LRP5: variants seen among roughly 807,000 people sequenced by gnomAD.
The protein encoded by LRP5 is LDL receptor related protein 5.
Under a neutral mutation model 154.1 loss-of-function variants are expected in LRP5, and 62 were observed. The observed-to-expected ratio is 0.40, with a 90% CI of 0.33 to 0.50. The LOEUF is 0.50. LRP5 is among the 20% of genes least tolerant of loss of function. The probability of loss-of-function intolerance (pLI) is 0.55; values close to 1 mark genes in which losing one functional copy is unlikely to be tolerated. For synonymous variants in LRP5, 966 were observed against 1,011.5 expected, an observed-to-expected ratio of 0.96 and a Z score of 0.85; for missense variants, 1,915 against 2,336.7, an observed-to-expected ratio of 0.82 and a Z score of 3.72.
chr11:68,355,200 C>G (rs1223861893), intron 2 of LRP5, among the ~76,000 whole-genome samples: 2 of 152,160 alleles, frequency 1.3e-5, no homozygotes, highest in Admixed American at 6.5e-5. Context: ...TTTGCCTCTT[C>G]TGCTGAATGG....
chr11:68,431,672 GTCCCCC>G (rs1195340503), intron 17 of LRP5, among the ~76,000 whole-genome samples: 6 of 152,162 alleles, frequency 3.9e-5, no homozygotes. Context: ...TTTTGTGACT[GTCCCCC>G]TCCTGAGCTT....
At chr11:68,327,501 GC>G (rs2098600405) in intron 1 of LRP5, among the ~76,000 whole-genome samples, 1 of 151,950 alleles carries the variant, frequency 6.6e-6, no homozygotes, top group Non-Finnish European at 1.5e-5. Context: ...CCCTTAGGCA[GC>G]ATGAAAACAA....
intron 17 of LRP5, among the ~76,000 whole-genome samples, chr11:68,431,393 C>G (rs1044962142): frequency 6.6e-6 from 1 of 151,996 alleles, no homozygotes; most frequent in East Asian, 1.9e-4. Context: ...GCTCCCACCA[C>G]CACGCCCGGC....
At position 68,426,112 on chromosome 11, in the gene LRP5, C is replaced by T. The variant is rs141178995; in HGVS notation, c.3562C>T (p.Arg1188Trp). ...TGTGGAGAAGACCACCGGGGACAAG[C>T]GGACTCGCATCCAGGGCCGTGTCGC... ...ERVEKTTGDK[R>W]TRIQGRVAHL... The change falls in exon 16 of 23, where the codon CGG (arginine) becomes TGG (tryptophan). Residue 1188 changes from arginine (R) to tryptophan (W), a missense_variant. By Grantham distance (101) the Arg-to-Trp change is moderately radical (BLOSUM62 -3). Transcript: ENST00000294304. The T allele has an allele frequency of 1.5e-5, 24 of 1,613,186 alleles. No homozygotes were observed. Among genetic ancestry groups the T allele is most frequent in the East Asian group, 6.7e-5 (3 of 44,896 alleles).
chr11:68,358,165 G>T (rs1229171605), intron 3 of LRP5, among the ~76,000 whole-genome samples: 4 of 151,796 alleles, frequency 2.6e-5, no homozygotes, highest in Admixed American at 2.6e-4. Context: ...ACCCAGGCTG[G>T]AGTGCAATGT....
At chr11:68,338,138 G>A (rs1470541332) in intron 1 of LRP5, among the ~76,000 whole-genome samples, 1 of 152,182 alleles carries the variant, frequency 6.6e-6, no homozygotes, top group African/African-American at 2.4e-5. Context: ...CTGGACGCAG[G>A]ATCATTCCTG....
intron 15 of LRP5, among the ~76,000 whole-genome samples, chr11:68,425,734 C>T (rs150193559): frequency 5.3e-5 from 8 of 152,172 alleles, no homozygotes; most frequent in African/African-American, 1.2e-4. Context: ...GGCCAGTGAC[C>T]GAGGCCCGCC....
chr11:68,323,238 A>G (rs2098597758), intron 1 of LRP5, among the ~76,000 whole-genome samples: 1 of 152,076 alleles, frequency 6.6e-6, no homozygotes. Flanking sequence ...CTTCCTGAGT[A>G]GCTGGGATTA....
chr11:68,419,659 C>T (rs539138368), intron 13 of LRP5, among the ~76,000 whole-genome samples: 2 of 151,526 alleles, frequency 1.3e-5, no homozygotes, highest in Non-Finnish European at 1.5e-5. Context: ...CCTGCCTCAG[C>T]CTCCTCCCGA....
chr11:68,330,091 A>G (rs2375433), intron 1 of LRP5, among the ~76,000 whole-genome samples: 28 of 152,266 alleles, frequency 1.8e-4, no homozygotes, highest in African/African-American at 6.7e-4. Context: ...GTCACATTCC[A>G]CAGTTGCTAA....
intron 8 of LRP5, among the ~76,000 whole-genome samples, chr11:68,406,179 T>G (rs2153164417): frequency 6.6e-6 from 1 of 152,360 alleles, no homozygotes; most frequent in African/African-American, 2.4e-5. Flanking sequence ...GAGCCCGCAC[T>G]GCTGTTACTG....
In LRP5 at chr11:68,448,844, C is replaced by G. The variant is rs150862227; in HGVS notation, c.4622C>G (p.Thr1541Arg). 89 of 1,610,470 alleles carry G rather than the reference C, an allele frequency of 5.5e-5. No individual in the cohort carries two copies. The highest frequency in any genetic ancestry group is 2.5e-4 in the Admixed American group (15 of 60,006). ...ATTCGAGGAATGGCGCCCCCGACGA[C>G]GCCCTGCAGCACCGACGTGTGTGAC... is the stretch of plus-strand genomic sequence containing the variant. ...YIIRGMAPPT[T>R]PCSTDVCDSD... is the part of the protein sequence containing the mutation. Residue 1541 changes from threonine (T) to arginine (R), a missense_variant, in exon 23 of 23, where the codon ACG (threonine) becomes AGG (arginine). Thr to Arg is a moderately conservative substitution (Grantham distance 71). Around this residue, in one of 3 missense-constraint regions of LRP5, gnomAD observed 1,094 missense variants for 1,210.1 expected, o/e 0.90. Coordinates refer to ENST00000294304, the MANE Select transcript of LRP5 (RefSeq NM_002335.4).
At chr11:68,313,514 G>C (rs1240045784) in intron 1 of LRP5, among the ~76,000 whole-genome samples, 4 of 152,218 alleles carry the variant, frequency 2.6e-5, no homozygotes, top group Admixed American at 1.3e-4. Flanking sequence ...CCCGTGGGGA[G>C]AGGTAGGGCG....
At position 68,343,328 on chromosome 11, in the gene LRP5, G is replaced by A. The variant is rs966710149; in HGVS notation, c.92-4519G>A. Among the ~76,000 whole-genome samples the A allele has an allele frequency of 2.0e-5, 3 of 152,204 alleles. No individual in the cohort carries two copies. In the East Asian group the frequency reaches 5.8e-4, roughly 29 times the overall value. ...GGCCGGAGCTGGGTCCACCCTGGTA[G>A]GGGGACTTCATGGGGCCTGGGCGAC... On this transcript the variant is annotated intron_variant, in intron 1 of 22. Coordinates refer to ENST00000294304, the MANE Select transcript of LRP5 (RefSeq NM_002335.4).
chr11:68,405,352 T>C (rs1387701549), intron 8 of LRP5, among the ~76,000 whole-genome samples: 2 of 150,502 alleles, frequency 1.3e-5, no homozygotes, highest in Non-Finnish European at 2.9e-5. Context: ...ATCCCTGTGG[T>C]CCCAGCTACT....
intron 2 of LRP5, among the ~76,000 whole-genome samples, chr11:68,354,676 TGA>T (rs1359447806): frequency 6.6e-6 from 1 of 152,056 alleles, no homozygotes; most frequent in East Asian, 1.9e-4. Context: ...TGGCGAAGGG[TGA>T]GTCATATGAT....
rs866311125 is a variant in LRP5 at position 68,404,993 on chromosome 11, G to A, written c.1801+1294G>A. 2.6e-3 allele frequency among the ~76,000 whole-genome samples: 359 copies of A among 137,060 alleles called. 5 individuals are homozygous for A. Among genetic ancestry groups the A allele is most frequent in the African/African-American group, 9.3e-3 (343 of 36,884 alleles). The allele number at this position is 137,060 out of a possible 152,430, so 89.9% of individuals were successfully genotyped here. On this transcript the variant is annotated intron_variant, in intron 8 of 22. Transcript: ENST00000294304. ...CTCCGTCTCAAAAAAAAAAAAAAAA[G>A]TCCAAAAAAAAAAAAATTAGTCTGG...
At chr11:68,389,104 T>C (rs2098644657) in intron 6 of LRP5, among the ~76,000 whole-genome samples, 1 of 139,556 alleles carries the variant, frequency 7.2e-6, no homozygotes, top group Non-Finnish European at 1.5e-5. Flanking sequence ...CTACTGACAT[T>C]GGCATCTACC....
chr11:68,419,205 A>G (rs1479260323), intron 13 of LRP5, among the ~76,000 whole-genome samples: 1 of 152,184 alleles, frequency 6.6e-6, no homozygotes, highest in Non-Finnish European at 1.5e-5. Flanking sequence ...GTAAATATAT[A>G]TAACATAAAA....
Sources: gnomAD v4.1 joint callset for allele counts (sites outside exome capture counted in the v4.1 genomes callset) on GRCh38, gnomAD v4.1.1 for gene constraint, gnomAD v4.1.1 regional missense constraint, MANE v1.5 for transcripts, NCBI Gene and HGNC (gene_info 2026-07-23, HGNC 2026-07-21) for gene names.